CLEC17A: variants seen among roughly 807,000 people sequenced by gnomAD.
The protein encoded by CLEC17A is C-type lectin domain containing 17A.
In CLEC17A, 37 loss-of-function variants were observed where a neutral mutation model predicts 61.3. That is an observed-to-expected ratio of 0.60 (90% CI 0.46 to 0.79). The LOEUF (loss-of-function observed/expected upper bound fraction) is 0.79, where lower values mean the gene tolerates loss of function less well. CLEC17A is among the 30% of genes least tolerant of loss of function. The pLI is 0.00. For missense variants in CLEC17A, 418 were observed against 464.7 expected (o/e 0.90, Z 0.92); for synonymous variants, 168 against 164.9 (o/e 1.02, Z -0.14).
At chr19:14,591,898 A>ATGTGTG (rs747656450) in intron 3 of CLEC17A, among the ~76,000 whole-genome samples, 2,699 of 138,976 alleles carry the variant, frequency 0.019, 37 homozygotes, top group African/African-American at 0.048. Context: ...CCGGAGAAAA[A>ATGTGTG]TGTGTGTGTG....
intron 8 of CLEC17A, 62 bp downstream of exon 8, chr19:14,595,377 C>G: frequency 1.3e-6 from 2 of 1,568,076 alleles, no homozygotes; most frequent in Non-Finnish European, 1.8e-6. Flanking sequence ...ACCTATGGCT[C>G]TACAGTGAGA....
chr19:14,591,152 T>C (rs1336713810), intron 3 of CLEC17A, among the ~76,000 whole-genome samples: 3 of 151,448 alleles, frequency 2.0e-5, no homozygotes, highest in Non-Finnish European at 4.4e-5. Context: ...TTCTTTTTCC[T>C]TTTCTTCTTT....
In CLEC17A at chr19:14,598,406, CCTTCCTTCCTTT is replaced by C. The variant is rs1343129070; in HGVS notation, c.646+1250_646+1261del. Among the ~76,000 whole-genome samples the C allele has an allele frequency of 2.7e-5, 4 of 149,714 alleles. No individual in the cohort carries two copies. The East Asian group carries it at 5.9e-4, about 22-fold the overall frequency. On this transcript the variant is annotated intron_variant, in intron 10 of 13. Coordinates refer to ENST00000417570, the MANE Select transcript of CLEC17A (RefSeq NM_001204118.2). Reference sequence around the variant, plus strand: ...TCCTTCCCTTCCCTTCTCCTTCCTTCCTTCCTTCCTTTCTTCTCTCCCTCTTTCTCCTTCCTT... The same window carrying C: ...TCCTTCCCTTCCCTTCTCCTTCCTTCCTTCTCTCCCTCTTTCTCCTTCCTT...
At chr19:14,605,161 G>T (rs1000651589) in intron 12 of CLEC17A, among the ~76,000 whole-genome samples, 41 of 151,134 alleles carry the variant, frequency 2.7e-4, no homozygotes, top group African/African-American at 8.8e-4. Flanking sequence ...GCACTGTCGC[G>T]ATCTCAGCTC....
intron 2 of CLEC17A, 102 bp downstream of exon 2, chr19:14,583,536 T>C (rs974395959): frequency 3.5e-5 from 55 of 1,561,358 alleles, no homozygotes; most frequent in African/African-American, 2.7e-4. Context: ...CTCCTCTGTA[T>C]CCAGCCCATG....
chr19:14,594,492 C>T, intron 4 of CLEC17A, 25 bp from the exon 5 acceptor site: 2 of 1,563,242 alleles, frequency 1.3e-6, no homozygotes, highest in East Asian at 2.4e-5. Flanking sequence ...CAGCCCAGCC[C>T]TCACCCTGAG....
In CLEC17A at chr19:14,589,724, C is replaced by T. The variant is rs545343693; in HGVS notation, c.199+2033C>T. Among the ~76,000 whole-genome samples the T allele has an allele frequency of 3.3e-5, 5 of 151,904 alleles. 1 individual carries two copies. In the East Asian group the frequency reaches 7.7e-4, roughly 24 times the overall value. ...CCTGTGACCTTTACGTTCTCATATT[C>T]GTGCCCTTGTGTAGTCTCTTCCCAC... On this transcript the variant is annotated intron_variant, in intron 3 of 13. Transcript: ENST00000417570.
intron 8 of CLEC17A, among the ~76,000 whole-genome samples, chr19:14,595,672 G>A (rs534429302): frequency 5.7e-4 from 83 of 144,386 alleles, no homozygotes; most frequent in African/African-American, 2.1e-3. Flanking sequence ...CGATGGTAGA[G>A]GTAGTGATGG....
intron 1 of CLEC17A, 34 bp downstream of exon 1, chr19:14,583,237 G>A (rs1330437038): frequency 4.3e-6 from 7 of 1,613,720 alleles, no homozygotes; most frequent in South Asian, 1.1e-5. Flanking sequence ...CTGGGGCCTA[G>A]GTGTGGTCAG....
chr19:14,608,699 T>C (rs1227353040), intron 13 of CLEC17A, among the ~76,000 whole-genome samples: 1 of 148,156 alleles, frequency 6.7e-6, no homozygotes, highest in African/African-American at 2.5e-5. Context: ...AGTGGTGCAG[T>C]CTTGACCCAA....
At position 14,611,726 on chromosome 19, in the gene CLEC17A, G is replaced by T. The variant is rs2075041969; in HGVS notation, c.*1530G>T. Reference sequence around the variant, plus strand: ...TGATATAATTCACTTTACTTGCCAGGCACAGTGGCTCACGCCTGTAATCCC... The same window carrying T: ...TGATATAATTCACTTTACTTGCCAGTCACAGTGGCTCACGCCTGTAATCCC... On this transcript the variant is annotated 3_prime_UTR_variant, in exon 14 of 14. Coordinates refer to ENST00000417570, the MANE Select transcript of CLEC17A (RefSeq NM_001204118.2). Among the ~76,000 whole-genome samples, 1 of 152,106 alleles carries T rather than the reference G, an allele frequency of 6.6e-6. No homozygotes were observed. Among genetic ancestry groups the T allele is most frequent in the Admixed American group, 6.6e-5 (1 of 15,254 alleles).
In CLEC17A at chr19:14,610,064, C is replaced by T; in HGVS notation, c.1005C>T (p.Ser335=). ...TCTGCCCACTTTTTCCTCCATCCAG[C>T]TTCTGGGAGCCAGAGGAACCCAATA... is the stretch of plus-strand genomic sequence containing the variant. ...RWLDGSPVTL[S]FWEPEEPNNI... is the part of the protein sequence containing the mutation. Residue 335 remains serine (S), a splice_region_variant and synonymous_variant, in exon 14 of 14, where the codon AGC becomes AGT. Coordinates refer to ENST00000417570, the MANE Select transcript of CLEC17A (RefSeq NM_001204118.2). 1 of 1,612,760 alleles carries T rather than the reference C, an allele frequency of 6.2e-7. No homozygotes were observed.
chr19:14,596,367 C>A (rs150226312), intron 8 of CLEC17A, among the ~76,000 whole-genome samples: 1 of 152,134 alleles, frequency 6.6e-6, no homozygotes, highest in Non-Finnish European at 1.5e-5. Flanking sequence ...CAGTGGCTTA[C>A]GCCTGTAATC....
intron 13 of CLEC17A, 27 bp from the exon 14 acceptor site, chr19:14,610,037 C>T: frequency 6.4e-7 from 1 of 1,569,076 alleles, no homozygotes; most frequent in Non-Finnish European, 8.8e-7. Context: ...GATCCCTGTC[C>T]CTCTGCCCAC....
In CLEC17A at chr19:14,611,373, T is replaced by TTA. The variant is rs2075035117; in HGVS notation, c.*1178_*1179insAT. On this transcript the variant is annotated 3_prime_UTR_variant, in exon 14 of 14. Transcript: ENST00000417570. ...ACTTGGCCCGTGGAACTTCTATCCTTTTTTTTTTTTTTTTTTTTTTTTGAG... is the reference window on the plus strand; with the variant it reads ...ACTTGGCCCGTGGAACTTCTATCCTTTATTTTTTTTTTTTTTTTTTTTTTGAG... Among the ~76,000 whole-genome samples, 1 of 16,290 alleles carries TTA rather than the reference T, an allele frequency of 6.1e-5. No individual in the cohort carries two copies. The highest frequency in any genetic ancestry group is 1.3e-4 in the Non-Finnish European group (1 of 7,822). The allele number at this position is 16,290 out of a possible 152,430, so 10.7% of individuals were successfully genotyped here.
At position 14,585,034 on chromosome 19, in the gene CLEC17A, G is replaced by A. The variant is rs546941448; in HGVS notation, c.121+1600G>A. 2.6e-5 allele frequency among the ~76,000 whole-genome samples: 4 copies of A among 151,492 alleles called. No individual in the cohort carries two copies. In the South Asian group the frequency reaches 6.3e-4, roughly 24 times the overall value. ...CTCATCTTCATCCCCATCCTGAAAC[G>A]CAACTGTTTTTGTTTTTTAAAATCC... On this transcript the variant is annotated intron_variant, in intron 2 of 13. Transcript: ENST00000417570.
intron 10 of CLEC17A, among the ~76,000 whole-genome samples, chr19:14,599,159 C>T (rs1231304702): frequency 7.8e-6 from 1 of 127,752 alleles, no homozygotes; most frequent in East Asian, 2.5e-4. Context: ...GTGATCTTGG[C>T]TCACTGCAAC....
rs1235356271 is a variant in CLEC17A at position 14,592,331 on chromosome 19, C to G, written c.250C>G (p.Pro84Ala). The G allele has an allele frequency of 2.5e-6, 4 of 1,603,038 alleles. No homozygotes were observed. The highest frequency in any genetic ancestry group is 4.5e-5 in the East Asian group (2 of 44,490). The change falls in exon 4 of 14, where the codon CCC (proline) becomes GCC (alanine). Residue 84 changes from proline (P) to alanine (A), a missense_variant. Transcript: ENST00000417570. Reference protein sequence around the residue: ...EDDDYENSTPPYKDLPPKPGS... With the variant: ...EDDDYENSTPAYKDLPPKPGS... The stretch of plus-strand genomic sequence containing the variant: ...TGATGACTATGAGAACTCAACACCT[C>G]CCTACAAGGACCTTCCTCCCAAGCC...
At chr19:14,604,542 C>T (rs891213502) in intron 12 of CLEC17A, among the ~76,000 whole-genome samples, 1 of 152,002 alleles carries the variant, frequency 6.6e-6, no homozygotes, top group African/African-American at 2.4e-5. Flanking sequence ...GTGGGCAGAT[C>T]ACCTGAGGTC....
Sources: allele counts gnomAD v4.1 joint callset (sites outside exome capture counted in the v4.1 genomes callset), GRCh38; gene constraint gnomAD v4.1.1; transcripts MANE v1.5; gene names NCBI Gene and HGNC (gene_info 2026-07-23, HGNC 2026-07-21).